The following STK3 variants were observed in gnomAD, a reference collection of about 807,000 sequenced individuals.
STK3 encodes serine/threonine-protein kinase 3.
Under a neutral mutation model 58.0 loss-of-function variants are expected in STK3, and 41 were observed. That is an observed-to-expected ratio of 0.71 (90% CI 0.55 to 0.92). STK3 has a LOEUF of 0.92. STK3 is among the 40% of genes least tolerant of loss of function. The probability of loss-of-function intolerance (pLI) is 0.00; values close to 1 mark genes in which losing one functional copy is unlikely to be tolerated. For missense variants in STK3, 479 were observed against 602.7 expected, an observed-to-expected ratio of 0.79 and a Z score of 2.15; for synonymous variants, 170 against 191.0, an observed-to-expected ratio of 0.89 and a Z score of 0.91.
At chr8:98,852,096 C>A (rs1301779515) in intron 3 of STK3, among the ~76,000 whole-genome samples, 1 of 150,474 alleles carries the variant, frequency 6.6e-6, no homozygotes, top group Non-Finnish European at 1.5e-5. Context: ...TTAGACTTTG[C>A]AATTCTATGA....
chr8:98,529,388 C>T (rs918376950), intron 9 of STK3, among the ~76,000 whole-genome samples: 1 of 152,012 alleles, frequency 6.6e-6, no homozygotes, highest in Non-Finnish European at 1.5e-5. Context: ...GATTGGAAGC[C>T]TAGGTGAGGC....
chr8:98,726,138 CA>C (rs1189619522), intron 4 of STK3, among the ~76,000 whole-genome samples: 1 of 151,868 alleles, frequency 6.6e-6, no homozygotes, highest in Non-Finnish European at 1.5e-5. Context: ...ATGTACAATA[CA>C]AAAATAAAGT....
intron 6 of STK3, chr8:98,598,314 T>G: frequency 4.6e-5 from 45 of 985,264 alleles, no homozygotes; most frequent in Non-Finnish European, 5.3e-5. Flanking sequence ...ATAAAAAGCT[T>G]AACTCTAACT....
At chr8:98,515,809 T>C (rs896224746) in intron 10 of STK3, among the ~76,000 whole-genome samples, 2 of 152,000 alleles carry the variant, frequency 1.3e-5, no homozygotes, top group Admixed American at 6.6e-5. Flanking sequence ...ATTATTATTA[T>C]ACTTTAAGTT....
intron 1 of STK3, among the ~76,000 whole-genome samples, chr8:98,777,144 T>A (rs1323740137): frequency 1.3e-5 from 2 of 151,538 alleles, no homozygotes; most frequent in Admixed American, 1.3e-4. Flanking sequence ...ACCTTCAGAG[T>A]CTGTCAGTAA....
At chr8:98,362,955 C>T in the STK3 span, among the ~76,000 whole-genome samples, 1 of 152,166 alleles carries the variant, frequency 6.6e-6, no homozygotes. Context: ...AGTTAGTGAT[C>T]TGTTTCTAAA....
At chr8:98,459,115 C>T (rs1480954503) in intron 10 of STK3, among the ~76,000 whole-genome samples, 2 of 152,130 alleles carry the variant, frequency 1.3e-5, no homozygotes, top group Admixed American at 1.3e-4. Context: ...ATGGTTTTGG[C>T]CAAAATGCTG....
chr8:98,749,354 C>A lies in STK3; in HGVS notation c.273G>T (p.Lys91Asn). The A allele has an allele frequency of 6.2e-7, 1 of 1,605,262 alleles. No homozygotes were observed. The highest frequency in any genetic ancestry group is 2.2e-5 in the East Asian group (1 of 44,732). Residue 91 changes from lysine to asparagine, a missense_variant, in exon 4 of 11, where the codon AAG (lysine) becomes AAT (asparagine). Physicochemically the swap from Lys to Asn is moderately conservative, Grantham distance 94 (BLOSUM62 0). This residue lies in a region of STK3 where 126 missense variants were observed against 210.1 expected (regional missense o/e 0.60). Transcript: ENST00000419617. ...YVVKYYGSYF[K>N]NTDLWIVMEY... is the part of the protein sequence containing the mutation. ...CCATAACAATCCAGAGGTCTGTATT[C>A]TTAAAATAACTGCCATAGTACTTTA...
Position 98,611,616 on chromosome 8 carries a change from C to A in STK3, c.685-15447G>T, listed in dbSNP as rs182531363. ...AAATTCATATATTAGTTTCTAACTC[C>A]AAATTTCTTTAAGAAAACCTTATGA... is the stretch of plus-strand genomic sequence containing the variant. On this transcript the variant is annotated intron_variant, in intron 6 of 10. Coordinates refer to ENST00000419617, the MANE Select transcript of STK3 (RefSeq NM_006281.4). 2.2e-3 allele frequency among the ~76,000 whole-genome samples: 328 copies of A among 152,196 alleles called. 3 individuals carry two copies. Among genetic ancestry groups the A allele is most frequent in the South Asian group, 4.4e-3 (21 of 4,816 alleles).
chr8:98,702,938 G>GT (rs1563909417), intron 6 of STK3, among the ~76,000 whole-genome samples: 1 of 152,100 alleles, frequency 6.6e-6, no homozygotes, highest in Non-Finnish European at 1.5e-5. Context: ...TAACTATCAG[G>GT]TTTTTTGCCT....
intron 7 of STK3, among the ~76,000 whole-genome samples, chr8:98,584,389 A>G (rs1195980924): frequency 3.3e-5 from 5 of 151,752 alleles, no homozygotes; most frequent in Non-Finnish European, 2.9e-5. Context: ...GAGAATGATG[A>G]TTTCCAATTT....
intron 10 of STK3, among the ~76,000 whole-genome samples, chr8:98,505,611 T>A (rs938184779): frequency 3.3e-5 from 5 of 152,036 alleles, no homozygotes; most frequent in African/African-American, 1.2e-4. Flanking sequence ...TTGATGCTAT[T>A]CCTTTCTGTT....
chr8:98,942,439 T>G (rs2132072549), exon 1 of STK3: 1 of 152,362 alleles, frequency 6.6e-6, no homozygotes, highest in African/African-American at 2.4e-5. Flanking sequence ...ATTTTGGAAC[T>G]TCGCAGGCTG....
intron 3 of STK3, among the ~76,000 whole-genome samples, chr8:98,837,375 AAAAAG>A (rs1343596448): frequency 1.3e-5 from 2 of 151,768 alleles, no homozygotes; most frequent in African/African-American, 2.4e-5. Context: ...AAAAAAAAAA[AAAAAG>A]AAAGAAAGAA....
intron 1 of STK3, among the ~76,000 whole-genome samples, chr8:98,899,167 C>A (rs1838564427): frequency 6.6e-6 from 1 of 152,186 alleles, no homozygotes; most frequent in Non-Finnish European, 1.5e-5. Flanking sequence ...CTGTTACACC[C>A]AGAAGATAGC....
intron 6 of STK3, among the ~76,000 whole-genome samples, chr8:98,655,713 C>T (rs1165401196): frequency 5.9e-5 from 9 of 151,996 alleles, no homozygotes; most frequent in Admixed American, 3.9e-4. Context: ...GACATTTATG[C>T]AGCCAAAAAA....
chr8:98,603,539 T>C (rs1040236426), intron 6 of STK3, among the ~76,000 whole-genome samples: 1 of 152,164 alleles, frequency 6.6e-6, no homozygotes. Context: ...ACCTGGCCTA[T>C]GACAATATTT....
At chr8:98,538,346 G>T (rs80309457) in intron 9 of STK3, among the ~76,000 whole-genome samples, 5,451 of 151,992 alleles carry the variant, frequency 0.036, 117 homozygotes, top group Middle Eastern at 0.071. Flanking sequence ...AAACAAAGAA[G>T]GATAAACATA....
At position 98,893,366 on chromosome 8, in the gene STK3, G is replaced by T. The variant is rs72507586; in HGVS notation, c.-78-9532C>A. On this transcript the variant is annotated intron_variant, in intron 1 of 1. Coordinates refer to the STK3 transcript ENST00000519420. ...ATTGCACCACTGCACTTCAGCCTGG[G>T]TGACAGAGCAAGACTTGCGAAGAAA... 1.4e-3 allele frequency among the ~76,000 whole-genome samples: 204 copies of T among 149,554 alleles called. 1 individual carries two copies. The East Asian group carries it at 0.025, about 18-fold the overall frequency.
Sources: allele counts gnomAD v4.1 joint callset (sites outside exome capture counted in the v4.1 genomes callset), GRCh38; gene constraint gnomAD v4.1.1; regional missense constraint gnomAD v4.1.1; transcripts MANE v1.5; gene names NCBI Gene and HGNC (gene_info 2026-07-23, HGNC 2026-07-21).